Variants in FHIT observed in about 807,000 individuals in gnomAD.
The protein encoded by FHIT is bis(5'-adenosyl)-triphosphatase.
FHIT carries 19 observed loss-of-function variants against 17.9 expected under a neutral mutation model. That is an observed-to-expected ratio of 1.06 (90% CI 0.74 to 1.56). The LOEUF (loss-of-function observed/expected upper bound fraction) is 1.56. Ranked by LOEUF, FHIT falls within the 40% of genes most tolerant of loss-of-function variation. The pLI is 0.00. For synonymous variants in FHIT, 81 were observed against 69.7 expected, an observed-to-expected ratio of 1.16 and a Z score of -0.81; for missense variants, 248 against 189.2, an observed-to-expected ratio of 1.31 and a Z score of -1.82.
At chr3:60,392,408 T>C (rs1701268774) in intron 5 of FHIT, among the ~76,000 whole-genome samples, 1 of 152,194 alleles carries the variant, frequency 6.6e-6, no homozygotes, top group Admixed American at 6.5e-5. Flanking sequence ...CCATGTCGAA[T>C]ATGAAGCCTA....
intron 5 of FHIT, among the ~76,000 whole-genome samples, chr3:60,290,699 C>G (rs138466228): frequency 1.3e-5 from 2 of 152,250 alleles, no homozygotes; most frequent in Non-Finnish European, 1.5e-5. Context: ...CTGCATTACA[C>G]TGTGTCTCCA....
At chr3:60,479,758 A>G (rs1299032652) in intron 5 of FHIT, among the ~76,000 whole-genome samples, 1 of 152,186 alleles carries the variant, frequency 6.6e-6, no homozygotes, top group Non-Finnish European at 1.5e-5. Flanking sequence ...TGTGAATTGC[A>G]CATGCGAGGG....
chr3:61,197,899 G>A (rs1277932561), intron 2 of FHIT, among the ~76,000 whole-genome samples: 2 of 152,036 alleles, frequency 1.3e-5, no homozygotes, highest in Non-Finnish European at 2.9e-5. Flanking sequence ...TGAGAGCTAA[G>A]AGAAGCAGCC....
At chr3:60,364,738 T>C (rs1415135351) in intron 5 of FHIT, among the ~76,000 whole-genome samples, 1 of 152,172 alleles carries the variant, frequency 6.6e-6, no homozygotes, top group African/African-American at 2.4e-5. Flanking sequence ...GCATTTGAAT[T>C]GGTGAACTGA....
At chr3:59,962,951 T>C (rs894674975) in intron 7 of FHIT, among the ~76,000 whole-genome samples, 1 of 152,140 alleles carries the variant, frequency 6.6e-6, no homozygotes, top group African/African-American at 2.4e-5. Flanking sequence ...AAGCCAGGTA[T>C]AATAAGAAAA....
At chr3:60,214,137 T>C (rs1703585647) in intron 5 of FHIT, among the ~76,000 whole-genome samples, 2 of 152,156 alleles carry the variant, frequency 1.3e-5, no homozygotes, top group Non-Finnish European at 1.5e-5. Context: ...CAAGATTTCA[T>C]CCTCTTTCTT....
chr3:60,471,860 T>C (rs972420461), intron 5 of FHIT, among the ~76,000 whole-genome samples: 1 of 152,100 alleles, frequency 6.6e-6, no homozygotes, highest in African/African-American at 2.4e-5. Context: ...ACGCTAAGCA[T>C]GGCCATGGAA....
chr3:60,334,581 C>T (rs7614321), intron 5 of FHIT, among the ~76,000 whole-genome samples: 87,210 of 152,044 alleles, frequency 0.57, 26,609 homozygotes, highest in African/African-American at 0.77. Flanking sequence ...AGGTCAGGAG[C>T]TCGAGACCAG....
intron 5 of FHIT, among the ~76,000 whole-genome samples, chr3:60,067,726 G>C (rs1028333700): frequency 6.6e-5 from 10 of 152,094 alleles, no homozygotes; most frequent in Admixed American, 1.3e-4. Context: ...GGTATACTGG[G>C]AATTTCCACG....
chr3:60,417,609 T>C (rs560399296), intron 5 of FHIT, among the ~76,000 whole-genome samples: 20 of 152,214 alleles, frequency 1.3e-4, no homozygotes, highest in Non-Finnish European at 2.9e-4. Flanking sequence ...GTTTTTATAC[T>C]GAATGTCATC....
chr3:61,248,629 C>T (rs1383060022), intron 1 of FHIT, among the ~76,000 whole-genome samples: 1 of 152,114 alleles, frequency 6.6e-6, no homozygotes, highest in East Asian at 1.9e-4. Context: ...TAATGGGAGC[C>T]AAAACCAGAC....
intron 5 of FHIT, among the ~76,000 whole-genome samples, chr3:60,225,718 T>C (rs886985486): frequency 2.6e-5 from 4 of 152,188 alleles, no homozygotes; most frequent in Admixed American, 6.5e-5. Context: ...ACTTGCCCTC[T>C]TAAAACAGCG....
intron 5 of FHIT, among the ~76,000 whole-genome samples, chr3:60,277,317 GAATGAAA>G (rs1247241076): frequency 3.2e-4 from 48 of 152,184 alleles, no homozygotes; most frequent in African/African-American, 1.1e-3. Flanking sequence ...GTTTTCCTTT[GAATGAAA>G]AGCAGCCGCC....
chr3:61,103,052 T>C (rs538043549), intron 2 of FHIT, among the ~76,000 whole-genome samples: 186 of 152,278 alleles, frequency 1.2e-3, no homozygotes, highest in African/African-American at 4.0e-3. Flanking sequence ...TCTCTATCTC[T>C]TTCAGTTCTG....
chr3:60,782,235 GTGTA>G (rs1190539382), intron 4 of FHIT, among the ~76,000 whole-genome samples: 5 of 76,198 alleles, frequency 6.6e-5, no homozygotes, highest in African/African-American at 2.4e-4. Context: ...GTGTGTGTGT[GTGTA>G]TATATATATA....
chr3:60,563,747 G>T (rs1453242670), intron 4 of FHIT, among the ~76,000 whole-genome samples: 1 of 152,198 alleles, frequency 6.6e-6, no homozygotes, highest in African/African-American at 2.4e-5. Context: ...ATTGTATGAA[G>T]TCTGAGAGAG....
chr3:60,052,895 T>A (rs1452928808), intron 5 of FHIT, among the ~76,000 whole-genome samples: 1 of 151,644 alleles, frequency 6.6e-6, no homozygotes, highest in East Asian at 1.9e-4. Context: ...AAAGTATGTG[T>A]TATTTATCAG....
intron 3 of FHIT, among the ~76,000 whole-genome samples, chr3:61,021,117 C>T (rs940906078): frequency 2.6e-5 from 4 of 151,976 alleles, no homozygotes; most frequent in Non-Finnish European, 5.9e-5. Context: ...AATATTAGAT[C>T]AACGAGAGAG....
At chr3:60,106,171 C>T (rs142864208) in intron 5 of FHIT, among the ~76,000 whole-genome samples, 74 of 152,306 alleles carry the variant, frequency 4.9e-4, no homozygotes, top group Non-Finnish European at 9.3e-4. Flanking sequence ...TGTGGTATGG[C>T]AGTGCTTATG....
Sources: allele counts gnomAD v4.1 joint callset (sites outside exome capture counted in the v4.1 genomes callset), GRCh38; gene constraint gnomAD v4.1.1; transcripts MANE v1.5; gene names NCBI Gene and HGNC (gene_info 2026-07-23, HGNC 2026-07-21).